The following AIG1 variants were observed in gnomAD, a reference collection of about 807,000 sequenced individuals.
AIG1 encodes the protein androgen induced 1, also known as androgen-induced gene 1 protein.
In AIG1, 23 loss-of-function variants were observed where a neutral mutation model predicts 31.4. The ratio of observed to expected loss-of-function variants is 0.73; its 90% CI spans 0.53 to 1.04. AIG1 has a LOEUF of 1.04. Among genes scored for constraint, AIG1 ranks in the 50% least tolerant of loss-of-function variants. The pLI is 0.00. For missense variants in AIG1, 274 were observed against 295.0 expected (o/e 0.93, Z 0.52); for synonymous variants, 100 against 110.5 (o/e 0.90, Z 0.60).
chr6:143,226,985 C>CTTTTTTTTTTTT (rs11431811), intron 3 of AIG1, among the ~76,000 whole-genome samples: 3 of 113,624 alleles, frequency 2.6e-5, no homozygotes, highest in East Asian at 2.6e-4. Flanking sequence ...GAGTTTTTGT[C>CTTTTTTTTTTTT]TTTTTTTTTT....
intron 4 of AIG1, among the ~76,000 whole-genome samples, chr6:143,315,617 A>T (rs1390309653): frequency 6.6e-6 from 1 of 152,160 alleles, no homozygotes; most frequent in Non-Finnish European, 1.5e-5. Context: ...GGAAGTCCAT[A>T]TGGTAAAAAG....
chr6:143,061,117 CGTGTGTGTGT>C (rs138059311), intron 1 of AIG1, 51 bp downstream of exon 1: 723 of 1,409,832 alleles, frequency 5.1e-4, no homozygotes, highest in South Asian at 9.6e-4. Flanking sequence ...CCTGTGTGTG[CGTGTGTGTGT>C]GTGTGTGTGT....
In AIG1 at chr6:143,098,256, G is replaced by A. The variant is rs574236893; in HGVS notation, c.141+37190G>A. On this transcript the variant is annotated intron_variant, in intron 1 of 5. Coordinates refer to ENST00000357847, the MANE Select transcript of AIG1 (RefSeq NM_016108.4). ...AATCAAGGTCATCAGTAACCACTGC[G>A]TCAACACATACAGTGGCTAATTCTG... Among the ~76,000 whole-genome samples, 7 of 152,282 alleles carry A rather than the reference G, an allele frequency of 4.6e-5. No homozygotes were observed. The East Asian group carries it at 9.7e-4, about 21-fold the overall frequency.
chr6:143,104,119 A>C (rs929745183), intron 1 of AIG1, among the ~76,000 whole-genome samples: 2 of 152,186 alleles, frequency 1.3e-5, no homozygotes, highest in Non-Finnish European at 2.9e-5. Context: ...GGGTTGGTCT[A>C]TACTGGTTTC....
At chr6:143,088,935 G>T (rs1272604936) in intron 1 of AIG1, among the ~76,000 whole-genome samples, 3 of 152,132 alleles carry the variant, frequency 2.0e-5, no homozygotes, top group Non-Finnish European at 4.4e-5. Flanking sequence ...GCAGTGCCAG[G>T]CATGGTGCCT....
At chr6:143,273,653 T>C (rs1019826570) in intron 3 of AIG1, among the ~76,000 whole-genome samples, 9 of 152,114 alleles carry the variant, frequency 5.9e-5, no homozygotes, top group African/African-American at 2.2e-4. Context: ...ACAATCATGG[T>C]GGAAGGCGAA....
chr6:143,116,866 A>G (rs1402510217), intron 1 of AIG1, among the ~76,000 whole-genome samples: 1 of 151,818 alleles, frequency 6.6e-6, no homozygotes, highest in Admixed American at 6.6e-5. Context: ...CCCTCTCCAT[A>G]ATGACCTCCA....
chr6:143,062,243 CTG>C (rs1302877170), intron 1 of AIG1, among the ~76,000 whole-genome samples: 1 of 152,206 alleles, frequency 6.6e-6, no homozygotes, highest in Non-Finnish European at 1.5e-5. Flanking sequence ...AATTTCAATT[CTG>C]TTGCCCAGCA....
At chr6:143,161,529 T>TTA (rs3059576) in intron 2 of AIG1, among the ~76,000 whole-genome samples, 89,082 of 149,328 alleles carry the variant, frequency 0.6, 29,668 homozygotes, top group East Asian at 0.91. Flanking sequence ...AAAACATATA[T>TTA]TATATATATA....
At chr6:143,086,787 G>A (rs1420092255) in intron 1 of AIG1, among the ~76,000 whole-genome samples, 2 of 152,198 alleles carry the variant, frequency 1.3e-5, no homozygotes, top group African/African-American at 4.8e-5. Flanking sequence ...TTTCAAGAAA[G>A]TTGTGGTCGG....
At chr6:143,154,452 G>A (rs1195279507) in intron 2 of AIG1, among the ~76,000 whole-genome samples, 2 of 152,098 alleles carry the variant, frequency 1.3e-5, no homozygotes, top group Non-Finnish European at 2.9e-5. Context: ...TGGGGAGGGT[G>A]TGACTATCAG....
chr6:143,309,274 A>C (rs78403987), intron 4 of AIG1, among the ~76,000 whole-genome samples: 1 of 152,042 alleles, frequency 6.6e-6, no homozygotes, highest in South Asian at 2.1e-4. Flanking sequence ...CCCTAGAATA[A>C]ATATTAAAAG....
In AIG1 at chr6:143,340,283, A is replaced by T. The variant is rs1474195922; in HGVS notation, c.*607A>T. The T allele has an allele frequency of 1.3e-5, 2 of 152,220 alleles. No homozygotes were observed. Among genetic ancestry groups the T allele is most frequent in the African/African-American group, 4.8e-5 (2 of 41,444 alleles). 9.4% of individuals were successfully genotyped at this position (152,220 alleles called of 1,614,324 possible). A position where few individuals can be genotyped will look rare whatever the true frequency, so the allele number is the denominator to read the frequency against. ...TTTTCCTAGATGCAAATGCTGACTA[A>T]TAAAGACAAAGCCACCCTGAACCTG... On this transcript the variant is annotated 3_prime_UTR_variant, in exon 6 of 6. Coordinates refer to ENST00000357847, the MANE Select transcript of AIG1 (RefSeq NM_016108.4).
chr6:143,188,486 C>T, intron 3 of AIG1: 1 of 985,410 alleles, frequency 1.0e-6, no homozygotes, highest in Non-Finnish European at 1.2e-6. Context: ...AGGTCTCCTT[C>T]AGCTTCCCTT....
chr6:143,087,091 G>A (rs1275719312), intron 1 of AIG1, among the ~76,000 whole-genome samples: 1 of 152,178 alleles, frequency 6.6e-6, no homozygotes, highest in Non-Finnish European at 1.5e-5. Context: ...TTTTTAACTG[G>A]CCAACAGGTG....
At chr6:143,303,607 C>T (rs1485672102) in intron 4 of AIG1, among the ~76,000 whole-genome samples, 1 of 150,848 alleles carries the variant, frequency 6.6e-6, no homozygotes, top group African/African-American at 2.4e-5. Flanking sequence ...GTACCAGTAC[C>T]ATGCTGTTTT....
chr6:143,222,717 G>A (rs1202433974), intron 3 of AIG1, among the ~76,000 whole-genome samples: 1 of 151,488 alleles, frequency 6.6e-6, no homozygotes, highest in Non-Finnish European at 1.5e-5. Context: ...TTTTTGCCAA[G>A]TGTAAAGAGA....
At chr6:143,061,425 T>A (rs1776251846) in intron 1 of AIG1, 1 of 401,444 alleles carries the variant, frequency 2.5e-6, no homozygotes, top group Non-Finnish European at 5.0e-6. Flanking sequence ...TGATCCTGAA[T>A]GGCCTGAGAC....
upstream of AIG1, among the ~76,000 whole-genome samples, chr6:143,059,982 G>A (rs1378231403): frequency 6.6e-6 from 1 of 152,058 alleles, no homozygotes; most frequent in Non-Finnish European, 1.5e-5. Flanking sequence ...AAAAAGTAAG[G>A]GCAAAACCAG....
Sources: gnomAD v4.1 joint callset for allele counts (sites outside exome capture counted in the v4.1 genomes callset) on GRCh38, gnomAD v4.1.1 for gene constraint, MANE v1.5 for transcripts, NCBI Gene and HGNC (gene_info 2026-07-23, HGNC 2026-07-21) for gene names.